The following ARSJ variants were observed in gnomAD, a reference collection of about 807,000 sequenced individuals.
ARSJ encodes arylsulfatase family member J, also known as arylsulfatase J.
ARSJ carries 26 observed loss-of-function variants against 35.9 expected under a neutral mutation model. The ratio of observed to expected loss-of-function variants is 0.72; its 90% CI spans 0.53 to 1.00. The LOEUF (loss-of-function observed/expected upper bound fraction) is 1.00. ARSJ is among the 50% of genes least tolerant of loss of function. The pLI is 0.00. For missense variants in ARSJ, 667 were observed against 723.6 expected, an observed-to-expected ratio of 0.92 and a Z score of 0.90; for synonymous variants, 294 against 267.6, an observed-to-expected ratio of 1.10 and a Z score of -0.96.
In ARSJ at chr4:113,978,617, G is replaced by A. The variant is rs1727740195; in HGVS notation, c.218C>T (p.Thr73Ile). 6.2e-7 allele frequency: 1 copy of A among 1,614,054 alleles called. No homozygotes were observed. Among genetic ancestry groups the A allele is most frequent in the Non-Finnish European group, 8.5e-7 (1 of 1,180,030 alleles). Reference protein sequence around the residue: ...GEKLEPSTTSTSQPHLIFILA... With the variant: ...GEKLEPSTTSISQPHLIFILA... ...GATGAAAATGAGATGGGGCTGGGAG[G>A]TGGAAGTTGTGCTGGGCTCTAGTTT... The change falls in exon 1 of 2, where the codon ACC becomes ATC. Residue 73 changes from threonine to isoleucine, a missense_variant. Coordinates refer to ENST00000315366, the MANE Select transcript of ARSJ (RefSeq NM_024590.4).
intron 1 of ARSJ, among the ~76,000 whole-genome samples, chr4:113,945,217 A>T (rs764572084): frequency 6.6e-6 from 1 of 151,982 alleles, no homozygotes; most frequent in Non-Finnish European, 1.5e-5. Context: ...ATCACAGCTC[A>T]CTGACCTCCT....
At chr4:113,956,956 G>A (rs115608095) in intron 1 of ARSJ, among the ~76,000 whole-genome samples, 75 of 152,120 alleles carry the variant, frequency 4.9e-4, no homozygotes, top group African/African-American at 1.7e-3. Context: ...AGACAATTCC[G>A]GTGGCTTAAT....
chr4:113,931,616 CCG>C (rs1381838998), intron 1 of ARSJ, among the ~76,000 whole-genome samples: 1 of 152,032 alleles, frequency 6.6e-6, no homozygotes, highest in Non-Finnish European at 1.5e-5. Context: ...ATTTTGGAGT[CCG>C]GAGAGGTTAA....
intron 1 of ARSJ, among the ~76,000 whole-genome samples, chr4:113,926,525 T>G (rs1304828972): frequency 6.6e-6 from 1 of 152,076 alleles, no homozygotes; most frequent in Non-Finnish European, 1.5e-5. Context: ...CATAGAGAAC[T>G]CCCCATAAGG....
chr4:113,960,634 T>C (rs1562371717), intron 1 of ARSJ, among the ~76,000 whole-genome samples: 1 of 152,144 alleles, frequency 6.6e-6, no homozygotes, highest in Non-Finnish European at 1.5e-5. Context: ...CTTTTTATTA[T>C]TGCTGCTGCT....
chr4:113,976,088 G>A (rs1206627547), intron 1 of ARSJ, among the ~76,000 whole-genome samples: 1 of 152,076 alleles, frequency 6.6e-6, no homozygotes, highest in Non-Finnish European at 1.5e-5. Context: ...ATTATTAAGG[G>A]AATCTGCAAT....
chr4:113,972,312 A>C lies in ARSJ; in HGVS notation c.398+6125T>G, dbSNP rs1193156865. Among the ~76,000 whole-genome samples the C allele has an allele frequency of 4.7e-5, 7 of 149,908 alleles. No homozygotes were observed. In the South Asian group the frequency reaches 8.5e-4, roughly 18 times the overall value. On this transcript the variant is annotated intron_variant, in intron 1 of 1. Transcript: ENST00000315366. ...GATCTGGAAAAAAAAAAAAACAAAA[A>C]AAAAAACCCCACCATGATTTTCATC...
rs138434069 is a variant in ARSJ at position 113,946,572 on chromosome 4, T to TACACAC, written c.398+31859_398+31864dup. ...TGGAAGTGGTTTTAAACACACACCA[T>TACACAC]ACACACACACACACACACACACGTC... On this transcript the variant is annotated intron_variant, in intron 1 of 1. Transcript: ENST00000315366. 2.9e-3 allele frequency among the ~76,000 whole-genome samples: 422 copies of TACACAC among 147,378 alleles called. 2 individuals are homozygous for TACACAC. The highest frequency in any genetic ancestry group is 6.4e-3 in the East Asian group (32 of 5,026).
intron 1 of ARSJ, among the ~76,000 whole-genome samples, chr4:113,953,829 AG>A (rs1726006807): frequency 1.3e-5 from 2 of 152,074 alleles, no homozygotes; most frequent in Admixed American, 6.6e-5. Flanking sequence ...ACTCAATGGA[AG>A]TAAAGAGAAA....
At chr4:113,908,074 C>T (rs2099669304) in intron 1 of ARSJ, among the ~76,000 whole-genome samples, 1 of 152,008 alleles carries the variant, frequency 6.6e-6, no homozygotes, top group Admixed American at 6.6e-5. Flanking sequence ...TGCACGTAAA[C>T]CCCTAGATCC....
chr4:113,910,176 G>A (rs936298457), intron 1 of ARSJ, among the ~76,000 whole-genome samples: 2 of 152,080 alleles, frequency 1.3e-5, no homozygotes, highest in African/African-American at 4.8e-5. Context: ...TCACTTTACT[G>A]CCAACTTAAA....
At chr4:113,963,790 G>A (rs1438484837) in intron 1 of ARSJ, among the ~76,000 whole-genome samples, 2 of 151,970 alleles carry the variant, frequency 1.3e-5, no homozygotes, top group Admixed American at 6.6e-5. Context: ...AGTGTCACAA[G>A]GGTTACAAAT....
intron 1 of ARSJ, among the ~76,000 whole-genome samples, chr4:113,911,172 A>G (rs1446019692): frequency 6.6e-6 from 1 of 152,176 alleles, no homozygotes; most frequent in Admixed American, 6.6e-5. Flanking sequence ...GCAAAAAGTG[A>G]GAGAGAATTT....
intron 1 of ARSJ, among the ~76,000 whole-genome samples, chr4:113,957,011 A>G (rs1476209150): frequency 6.6e-6 from 1 of 152,078 alleles, no homozygotes; most frequent in East Asian, 1.9e-4. Flanking sequence ...AGGCTGTTGC[A>G]GCTGTAGCAG....
At chr4:113,909,650 C>G (rs964907154) in intron 1 of ARSJ, among the ~76,000 whole-genome samples, 1 of 152,182 alleles carries the variant, frequency 6.6e-6, no homozygotes, top group Non-Finnish European at 1.5e-5. Flanking sequence ...TGTTTGCTTT[C>G]CCTTCTGCCA....
In ARSJ at chr4:113,979,010, A is replaced by C. The variant is rs1337382693; in HGVS notation, c.-176T>G. The C allele has an allele frequency of 9.9e-6, 6 of 604,738 alleles. No homozygotes were observed. Among genetic ancestry groups the C allele is most frequent in the Non-Finnish European group, 1.6e-5 (6 of 363,922 alleles). 37.5% of individuals were successfully genotyped at this position (604,738 alleles called of 1,614,324 possible). A position where few individuals can be genotyped will look rare whatever the true frequency, so the allele number is the denominator to read the frequency against. On this transcript the variant is annotated 5_prime_UTR_variant, in exon 1 of 2. Transcript: ENST00000315366. Reference sequence around the variant, plus strand: ...TCTTCCAGAAGTGATGGCTTAATGGATGGGACTCCGGAAGAACAAGGAGGG... The same window carrying C: ...TCTTCCAGAAGTGATGGCTTAATGGCTGGGACTCCGGAAGAACAAGGAGGG...
At chr4:113,976,031 T>C (rs1290326817) in intron 1 of ARSJ, among the ~76,000 whole-genome samples, 1 of 152,182 alleles carries the variant, frequency 6.6e-6, no homozygotes, top group Non-Finnish European at 1.5e-5. Flanking sequence ...TGAACGCTTA[T>C]TGACAGGCTG....
chr4:113,955,896 C>A (rs1340152409), intron 1 of ARSJ, among the ~76,000 whole-genome samples: 1 of 151,968 alleles, frequency 6.6e-6, no homozygotes, highest in African/African-American at 2.4e-5. Flanking sequence ...GAAAATGTTG[C>A]CTTTTAGTAT....
intron 1 of ARSJ, among the ~76,000 whole-genome samples, chr4:113,972,761 C>T (rs1470409597): frequency 6.6e-6 from 1 of 152,158 alleles, no homozygotes; most frequent in Non-Finnish European, 1.5e-5. Flanking sequence ...CATCTCTTCC[C>T]TGGACAGCCC....
Sources: allele counts gnomAD v4.1 joint callset (sites outside exome capture counted in the v4.1 genomes callset), GRCh38; gene constraint gnomAD v4.1.1; transcripts MANE v1.5; gene names NCBI Gene and HGNC (gene_info 2026-07-23, HGNC 2026-07-21).